ASTN2: variants seen among roughly 807,000 people sequenced by gnomAD.
ASTN2 encodes astrotactin-2.
Under a neutral mutation model 139.8 loss-of-function variants are expected in ASTN2, and 54 were observed. The ratio of observed to expected loss-of-function variants is 0.39; its 90% CI spans 0.31 to 0.48. ASTN2 has a LOEUF of 0.48. Among genes scored for constraint, ASTN2 ranks in the 20% least tolerant of loss-of-function variants. The probability of loss-of-function intolerance (pLI) is 0.95; values close to 1 mark genes in which losing one functional copy is unlikely to be tolerated. For missense variants in ASTN2, 1,565 were observed against 1,725.1 expected (o/e 0.91, Z 1.64); for synonymous variants, 756 against 719.5 (o/e 1.05, Z -0.81).
intron 20 of ASTN2, among the ~76,000 whole-genome samples, chr9:116,471,194 G>A (rs957083944): frequency 6.6e-5 from 10 of 152,106 alleles, no homozygotes; most frequent in Non-Finnish European, 1.5e-4. Flanking sequence ...ATGTAATGGT[G>A]TTAAGTTACT....
intron 2 of ASTN2, among the ~76,000 whole-genome samples, chr9:117,221,115 G>A (rs896488985): frequency 2.6e-5 from 4 of 152,164 alleles, no homozygotes; most frequent in African/African-American, 7.2e-5. Context: ...GCAAATGCAA[G>A]TACTTGTTTT....
In ASTN2 at chr9:116,632,144, G is replaced by C. The variant is rs866315510; in HGVS notation, c.3073-11701C>G. On this transcript the variant is annotated intron_variant, in intron 17 of 22. Transcript: ENST00000313400. Reference sequence around the variant, plus strand: ...AAGAAAAAGAAGAGAGAGAGAGAGAGAGAGAGAGAGAGACAGAGAGAGAGA... The same window carrying C: ...AAGAAAAAGAAGAGAGAGAGAGAGACAGAGAGAGAGAGACAGAGAGAGAGA... 3.3e-3 allele frequency among the ~76,000 whole-genome samples: 256 copies of C among 76,822 alleles called. 6 individuals are homozygous for C. Among genetic ancestry groups the C allele is most frequent in the Middle Eastern group, 0.013 (2 of 158 alleles). The allele number at this position is 76,822 out of a possible 152,430, so 50.4% of individuals were successfully genotyped here.
chr9:116,572,036 C>T (rs1278973398), intron 19 of ASTN2, among the ~76,000 whole-genome samples: 2 of 151,976 alleles, frequency 1.3e-5, no homozygotes, highest in African/African-American at 2.4e-5. Context: ...CTCTAAATCC[C>T]CTGGCTGCAT....
chr9:117,314,130 G>C (rs900768825), intron 1 of ASTN2, among the ~76,000 whole-genome samples: 1 of 152,204 alleles, frequency 6.6e-6, no homozygotes, highest in Admixed American at 6.5e-5. Context: ...AGAGACATCT[G>C]TAGTTACTGG....
At chr9:116,472,778 G>A (rs1423287778) in intron 20 of ASTN2, among the ~76,000 whole-genome samples, 2 of 151,854 alleles carry the variant, frequency 1.3e-5, no homozygotes, top group African/African-American at 2.4e-5. Context: ...CATGTTGGTG[G>A]TGGCGGCGGC....
At chr9:117,100,705 GCCACGACCT>G (rs1828956392) in intron 4 of ASTN2, among the ~76,000 whole-genome samples, 1 of 152,150 alleles carries the variant, frequency 6.6e-6, no homozygotes, top group African/African-American at 2.4e-5. Flanking sequence ...AGATGAATAA[GCCACGACCT>G]CCACTAAAAT....
chr9:116,649,657 G>T (rs1352873395), intron 17 of ASTN2, among the ~76,000 whole-genome samples: 1 of 151,356 alleles, frequency 6.6e-6, no homozygotes, highest in East Asian at 1.9e-4. Context: ...TATCACTACA[G>T]CTCATTCATT....
chr9:117,310,820 C>T (rs1045771668), intron 1 of ASTN2, among the ~76,000 whole-genome samples: 8 of 152,114 alleles, frequency 5.3e-5, no homozygotes, highest in African/African-American at 1.9e-4. Flanking sequence ...GATGGAGTCT[C>T]ACTATGTTGC....
chr9:116,931,210 A>T (rs1681456883), intron 10 of ASTN2, among the ~76,000 whole-genome samples: 1 of 152,110 alleles, frequency 6.6e-6, no homozygotes, highest in Non-Finnish European at 1.5e-5. Flanking sequence ...TTGAGCCTTT[A>T]TCGCTAAGCC....
At position 116,634,597 on chromosome 9, in the gene ASTN2, A is replaced by C. The variant is rs1052026866; in HGVS notation, c.3073-14154T>G. Among the ~76,000 whole-genome samples the C allele has an allele frequency of 1.3e-3, 50 of 38,092 alleles. No individual in the cohort carries two copies. In the Admixed American group the frequency reaches 0.016, roughly 13 times the overall value. 25.0% of individuals were successfully genotyped at this position (38,092 alleles called of 152,430 possible). ...AGAGCGAGACTCCGTCTCAAAAAAAAAAAAAAAAAAAAAAAAAAATAAGCA... is the reference window on the plus strand; with the variant it reads ...AGAGCGAGACTCCGTCTCAAAAAAACAAAAAAAAAAAAAAAAAAATAAGCA... On this transcript the variant is annotated intron_variant, in intron 17 of 22. Transcript: ENST00000313400.
At chr9:116,818,957 C>T (rs1831409818) in intron 12 of ASTN2, among the ~76,000 whole-genome samples, 1 of 152,080 alleles carries the variant, frequency 6.6e-6, no homozygotes, top group African/African-American at 2.4e-5. Flanking sequence ...AAATACTTTC[C>T]TCTCTTCAGA....
intron 2 of ASTN2, among the ~76,000 whole-genome samples, chr9:117,219,142 A>C (rs997378289): frequency 1.8e-4 from 27 of 152,318 alleles, no homozygotes; most frequent in African/African-American, 6.5e-4. Flanking sequence ...CACCCAAAGA[A>C]TGCAGATGAG....
intron 19 of ASTN2, among the ~76,000 whole-genome samples, chr9:116,537,724 A>G (rs1022907481): frequency 6.6e-6 from 1 of 152,242 alleles, no homozygotes; most frequent in Non-Finnish European, 1.5e-5. Context: ...TCATAGAATC[A>G]GAAGAGCTGA....
At chr9:117,382,974 C>A (rs1276644202) in intron 1 of ASTN2, among the ~76,000 whole-genome samples, 1 of 152,044 alleles carries the variant, frequency 6.6e-6, no homozygotes, top group Non-Finnish European at 1.5e-5. Flanking sequence ...TAGTGAAGGG[C>A]CAGACAGTAA....
chr9:116,818,131 T>G (rs985519665), intron 12 of ASTN2, among the ~76,000 whole-genome samples: 1 of 152,206 alleles, frequency 6.6e-6, no homozygotes, highest in African/African-American at 2.4e-5. Flanking sequence ...AATGAGCTAA[T>G]GTACCCAAAG....
At chr9:117,140,672 AGAGAAG>A (rs199508723) in intron 4 of ASTN2, among the ~76,000 whole-genome samples, 1,625 of 151,768 alleles carry the variant, frequency 0.011, 31 homozygotes, top group African/African-American at 0.036. Flanking sequence ...AGAGAAGAGA[AGAGAAG>A]GAGAAGGAGA....
intron 16 of ASTN2, among the ~76,000 whole-genome samples, chr9:116,659,263 G>A (rs1858416396): frequency 6.6e-6 from 1 of 152,046 alleles, no homozygotes; most frequent in South Asian, 2.1e-4. Context: ...AAGGACCATG[G>A]CCATTTTTAA....
At chr9:116,812,392 A>G (rs1556481) in intron 12 of ASTN2, among the ~76,000 whole-genome samples, 115,758 of 146,290 alleles carry the variant, frequency 0.79, 44,313 homozygotes, top group African/African-American at 0.85. Flanking sequence ...CAGAGGAGGA[A>G]ATGCAACTTA....
At chr9:116,948,819 G>A (rs1206308358) in intron 10 of ASTN2, among the ~76,000 whole-genome samples, 1 of 72,856 alleles carries the variant, frequency 1.4e-5, no homozygotes, top group Non-Finnish European at 2.5e-5. Flanking sequence ...TTGAGAAGGA[G>A]TCTCACTCTG....
Sources: gnomAD v4.1 joint callset for allele counts (sites outside exome capture counted in the v4.1 genomes callset) on GRCh38, gnomAD v4.1.1 for gene constraint, MANE v1.5 for transcripts, NCBI Gene and HGNC (gene_info 2026-07-23, HGNC 2026-07-21) for gene names.